UTP15: variants seen among roughly 807,000 people sequenced by gnomAD.
UTP15 encodes U3 small nucleolar RNA-associated protein 15 homolog.
A neutral mutation model predicts 59.1 loss-of-function variants in UTP15; 5 were observed. The ratio of observed to expected loss-of-function variants is 0.08; its 90% CI spans 0.04 to 0.18. The LOEUF (loss-of-function observed/expected upper bound fraction) is 0.18, where lower values mean the gene tolerates loss of function less well. Among genes scored for constraint, UTP15 ranks in the 10% least tolerant of loss-of-function variants. UTP15 has a pLI of 1.00. For synonymous variants in UTP15, 211 were observed against 212.2 expected, an observed-to-expected ratio of 0.99 and a Z score of 0.05; for missense variants, 494 against 616.7, an observed-to-expected ratio of 0.80 and a Z score of 2.11.
chr5:73,569,400 CT>C (rs1338567500), intron 4 of UTP15, 96 bp from the exon 5 acceptor site: 1,751 of 986,286 alleles, frequency 1.8e-3, no homozygotes, highest in South Asian at 3.1e-3. Context: ...AACTCAGCTG[CT>C]TTTTTTTTAA....
Position 73,580,928 on chromosome 5 carries a change from A to G in UTP15, c.*834A>G. ...AATCCTCTGAAAACTGTTTTCTCTG[A>G]TTTGTATTTAGATTCCTCCCCCCAT... On this transcript the variant is annotated 3_prime_UTR_variant, in exon 13 of 13. Coordinates refer to ENST00000296792, the MANE Select transcript of UTP15 (RefSeq NM_032175.4). The G allele has an allele frequency of 6.6e-6, 1 of 152,016 alleles. No individual in the cohort carries two copies. Among genetic ancestry groups the G allele is most frequent in the Non-Finnish European group, 1.5e-5 (1 of 68,010 alleles). The allele number at this position is 152,016 out of a possible 1,614,324, so 9.4% of individuals were successfully genotyped here. A position where few individuals can be genotyped will look rare whatever the true frequency, so the allele number is the denominator to read the frequency against.
intron 1 of UTP15, 117 bp downstream of exon 1, chr5:73,566,029 T>C (rs1412501954): frequency 2.8e-6 from 1 of 354,982 alleles, no homozygotes; most frequent in East Asian, 7.6e-5. Context: ...CCAAATTCTT[T>C]AACCGGCTCA....
chr5:73,572,522 A>G lies in UTP15; in HGVS notation c.707A>G (p.Lys236Arg). Reference protein sequence around the residue: ...GRYVKVWDMLKGGQLLVSLKN... With the variant: ...GRYVKVWDMLRGGQLLVSLKN... Reference sequence around the variant, plus strand: ...TATGTTAAAGTCTGGGACATGTTAAAAGGAGGACAATTGCTAGTATCTTTG... The same window carrying G: ...TATGTTAAAGTCTGGGACATGTTAAGAGGAGGACAATTGCTAGTATCTTTG... Residue 236 changes from lysine to arginine, a missense_variant, in exon 7 of 13, where the codon AAA becomes AGA. By Grantham distance (26) the Lys-to-Arg change is conservative. Transcript: ENST00000296792. 6.2e-7 allele frequency: 1 copy of G among 1,614,206 alleles called. No homozygotes were observed. The highest frequency in any genetic ancestry group is 8.5e-7 in the Non-Finnish European group (1 of 1,180,020).
In UTP15 at chr5:73,582,536, C is replaced by T. The variant is rs780450745; in HGVS notation, c.*2442C>T. On this transcript the variant is annotated 3_prime_UTR_variant, in exon 13 of 13. Coordinates refer to ENST00000296792, the MANE Select transcript of UTP15 (RefSeq NM_032175.4). Reference sequence around the variant, plus strand: ...AGAAGCTGGGGCTACAGGGATGAGCCACCATGCCCAGCTAATTTTTTATTT... The same window carrying T: ...AGAAGCTGGGGCTACAGGGATGAGCTACCATGCCCAGCTAATTTTTTATTT... The T allele has an allele frequency of 6.6e-6, 1 of 152,142 alleles. No homozygotes were observed. Among genetic ancestry groups the T allele is most frequent in the Non-Finnish European group, 1.5e-5 (1 of 68,062 alleles). The allele number at this position is 152,142 out of a possible 1,614,324, so 9.4% of individuals were successfully genotyped here.
intron 7 of UTP15, among the ~76,000 whole-genome samples, chr5:73,576,631 C>A (rs983818276): frequency 2.0e-5 from 3 of 152,044 alleles, no homozygotes; most frequent in African/African-American, 7.2e-5. Flanking sequence ...TGTGCCACCA[C>A]GCCCAGCTAT....
intron 6 of UTP15, among the ~76,000 whole-genome samples, chr5:73,571,131 T>C (rs1406729443): frequency 6.6e-6 from 1 of 151,564 alleles, no homozygotes; most frequent in Non-Finnish European, 1.5e-5. Flanking sequence ...TGCCATCTTA[T>C]TTAACCCCAG....
At chr5:73,566,372 T>C (rs189365122) in intron 1 of UTP15, among the ~76,000 whole-genome samples, 27 of 152,362 alleles carry the variant, frequency 1.8e-4, no homozygotes, top group African/African-American at 6.3e-4. Flanking sequence ...ACCATGTCTT[T>C]ATTTCATTCA....
intron 9 of UTP15, 46 bp downstream of exon 9, chr5:73,578,051 G>C (rs778111267): frequency 6.4e-7 from 1 of 1,561,750 alleles, no homozygotes; most frequent in South Asian, 1.2e-5. Context: ...AAATTTGTTA[G>C]AGTAGCCAGC....
intron 6 of UTP15, 26 bp downstream of exon 6, chr5:73,570,737 A>G: frequency 6.2e-7 from 1 of 1,606,384 alleles, no homozygotes. Context: ...AGCTTTCACC[A>G]ATATTGTTGG....
At chr5:73,570,464 T>C in intron 5 of UTP15, 122 bp from the exon 6 acceptor site, 1 of 941,134 alleles carries the variant, frequency 1.1e-6, no homozygotes, top group Non-Finnish European at 1.6e-6. Context: ...TTCATGAATA[T>C]ACATATATGT....
rs750279043 is a variant in UTP15, at chr5:73,572,471, G to A, written c.674-18G>A. Reference sequence around the variant, plus strand: ...TCTGTGGGCAGAATATCCAACTAACGATGATTTCTTTTTATAGGAGGTCGT... The same window carrying A: ...TCTGTGGGCAGAATATCCAACTAACAATGATTTCTTTTTATAGGAGGTCGT... On this transcript the variant is annotated intron_variant, in intron 6 of 12. Transcript: ENST00000296792. 8.1e-6 allele frequency: 13 copies of A among 1,612,434 alleles called. No individual in the cohort carries two copies. Among genetic ancestry groups the A allele is most frequent in the Middle Eastern group, 1.6e-4 (1 of 6,074 alleles).
chr5:73,567,797 C>T (rs540870008), intron 2 of UTP15: 1 of 182,432 alleles, frequency 5.5e-6, no homozygotes, highest in African/African-American at 2.3e-5. Context: ...TAGTAAATTA[C>T]AGTGTGCCCT....
chr5:73,581,371 A>G lies in UTP15; in HGVS notation c.*1277A>G, dbSNP rs922907352. ...CAGCCTGTAACTATTATTTTTTTAT[A>G]AAGAGAGATTCTTATTTTCTTGGCT... On this transcript the variant is annotated 3_prime_UTR_variant, in exon 13 of 13. Coordinates refer to ENST00000296792, the MANE Select transcript of UTP15 (RefSeq NM_032175.4). The G allele has an allele frequency of 5.3e-5, 8 of 152,090 alleles. No individual in the cohort carries two copies. Among genetic ancestry groups the G allele is most frequent in the Admixed American group, 1.3e-4 (2 of 15,250 alleles). 9.4% of individuals were successfully genotyped at this position (152,090 alleles called of 1,614,324 possible). A position where few individuals can be genotyped will look rare whatever the true frequency, so the allele number is the denominator to read the frequency against.
chr5:73,576,979 C>T lies in UTP15; in HGVS notation c.837C>T (p.Ser279=), dbSNP rs1390885096. 3 of 1,609,688 alleles carry T rather than the reference C, an allele frequency of 1.9e-6. No individual in the cohort carries two copies. The highest frequency in any genetic ancestry group is 2.7e-5 in the African/African-American group (2 of 74,650). The change falls in exon 8 of 13, where the codon TCC becomes TCT. Residue 279 remains serine, a synonymous_variant. Coordinates refer to ENST00000296792, the MANE Select transcript of UTP15 (RefSeq NM_032175.4). ...AGGTGAAAGTATACAGCACAACTTC[C>T]TACAAAGTAGTCCACAGTTTTGATT... ...DRKVKVYSTT[S]YKVVHSFDYA... is the part of the protein sequence containing the mutation.
intron 8 of UTP15, 61 bp downstream of exon 8, chr5:73,577,097 A>G: frequency 3.9e-6 from 5 of 1,293,184 alleles, no homozygotes; most frequent in Non-Finnish European, 4.3e-6. Flanking sequence ...TGAAACTAAA[A>G]TGGAACTTTG....
chr5:73,579,908 T>G lies in UTP15; in HGVS notation c.1371T>G (p.Pro457=). Residue 457 remains proline, a synonymous_variant, in exon 13 of 13, where the codon CCT becomes CCG. Coordinates refer to ENST00000296792, the MANE Select transcript of UTP15 (RefSeq NM_032175.4). ...DIYLPVIGQS[P]VVDKKFLLLQ... The stretch of plus-strand genomic sequence containing the variant: ...ATCTGCCTGTAATTGGTCAGTCCCC[T>G]GTAGTTGATAAAAAGTTTTTACTAC... 1.9e-6 allele frequency: 3 copies of G among 1,613,212 alleles called. No individual in the cohort carries two copies. Among genetic ancestry groups the G allele is most frequent in the Non-Finnish European group, 1.7e-6 (2 of 1,179,372 alleles).
At position 73,579,044 on chromosome 5, in the gene UTP15, A is replaced by G. The variant is rs1748215788; in HGVS notation, c.1174A>G (p.Ile392Val). The change falls in exon 11 of 13, where the codon ATT becomes GTT. Residue 392 changes from isoleucine (I) to valine (V), a missense_variant. By Grantham distance (29) the Ile-to-Val change is conservative. Coordinates refer to ENST00000296792, the MANE Select transcript of UTP15 (RefSeq NM_032175.4). ...DPTCTIKTPE[I>V]TVSIIKELNR... ...CACTTGTACAATAAAGACACCCGAGATTACGGTGTCCATCATAAAGGAGTT... is the reference window on the plus strand; with the variant it reads ...CACTTGTACAATAAAGACACCCGAGGTTACGGTGTCCATCATAAAGGAGTT... The G allele has an allele frequency of 6.2e-7, 1 of 1,613,434 alleles. No individual in the cohort carries two copies.
rs1748308254 is a variant in UTP15, at chr5:73,581,536, AG to A, written c.*1443del. On this transcript the variant is annotated 3_prime_UTR_variant, in exon 13 of 13. Coordinates refer to ENST00000296792, the MANE Select transcript of UTP15 (RefSeq NM_032175.4). ...AAAAATCAGTAAGAAAAATGTCTTG[AG>A]CTAGAAGAACCCATAGAGGAAGATT... The A allele has an allele frequency of 1.3e-5, 2 of 152,136 alleles. No individual in the cohort carries two copies. The highest frequency in any genetic ancestry group is 2.9e-5 in the Non-Finnish European group (2 of 68,026). 9.4% of individuals were successfully genotyped at this position (152,136 alleles called of 1,614,324 possible).
At chr5:73,578,108 T>G in intron 9 of UTP15, 103 bp downstream of exon 9, 1 of 1,274,888 alleles carries the variant, frequency 7.8e-7, no homozygotes, top group Non-Finnish European at 1.1e-6. Context: ...TGGCACTTTA[T>G]TTTGCTTTTC....
Sources: allele counts gnomAD v4.1 joint callset (sites outside exome capture counted in the v4.1 genomes callset), GRCh38; gene constraint gnomAD v4.1.1; transcripts MANE v1.5; gene names NCBI Gene and HGNC (gene_info 2026-07-23, HGNC 2026-07-21).